The following USP25 variants were observed in gnomAD, a reference collection of about 807,000 sequenced individuals.
USP25 encodes ubiquitin specific peptidase 25.
USP25 carries 85 observed loss-of-function variants against 158.5 expected under a neutral mutation model. The observed-to-expected ratio is 0.54, with a 90% CI of 0.45 to 0.64. The LOEUF (loss-of-function observed/expected upper bound fraction) is 0.64, where lower values mean the gene tolerates loss of function less well. USP25 is among the 30% of genes least tolerant of loss of function. The pLI, the probability that USP25 is intolerant of heterozygous loss-of-function variation, is 0.00. For synonymous variants in USP25, 464 were observed against 460.4 expected, an observed-to-expected ratio of 1.01 and a Z score of -0.10; for missense variants, 1,242 against 1,327.3, an observed-to-expected ratio of 0.94 and a Z score of 1.00.
At position 15,730,247 on chromosome 21, in the gene USP25, C is replaced by A; in HGVS notation, c.-147C>A. ...GGTGCCCGCGCACGCCGGCCGCCAT[C>A]GCCTTCGCGCCTGGCTGGCGGGGGC... On this transcript the variant is annotated 5_prime_UTR_variant, in exon 1 of 26. Transcript: ENST00000400183. 1.1e-6 allele frequency: 1 copy of A among 880,214 alleles called. No individual in the cohort carries two copies. The highest frequency in any genetic ancestry group is 1.4e-6 in the Non-Finnish European group (1 of 734,684). The allele number at this position is 880,214 out of a possible 1,614,324, so 54.5% of individuals were successfully genotyped here. A position where few individuals can be genotyped will look rare whatever the true frequency, so the allele number is the denominator to read the frequency against.
intron 1 of USP25, among the ~76,000 whole-genome samples, chr21:15,746,440 T>C (rs1265584304): frequency 2.0e-5 from 3 of 152,182 alleles, no homozygotes; most frequent in African/African-American, 4.8e-5. Context: ...TTTTTATTTT[T>C]ATTTTTTTTG....
intron 6 of USP25, among the ~76,000 whole-genome samples, chr21:15,804,898 T>G (rs2036303633): frequency 6.6e-6 from 1 of 152,134 alleles, no homozygotes; most frequent in Non-Finnish European, 1.5e-5. Flanking sequence ...ATGCTGAAAT[T>G]GTGAGCCTAT....
chr21:15,841,340 C>T (rs1321006928), intron 17 of USP25, among the ~76,000 whole-genome samples: 1 of 152,144 alleles, frequency 6.6e-6, no homozygotes, highest in African/African-American at 2.4e-5. Context: ...CTTCACCGAT[C>T]TCTAGTTTTA....
chr21:15,844,223 G>A (rs1479566148), intron 18 of USP25, among the ~76,000 whole-genome samples: 5 of 152,118 alleles, frequency 3.3e-5, no homozygotes, highest in Non-Finnish European at 7.4e-5. Flanking sequence ...TAGCGTCATG[G>A]TAACTACTTC....
chr21:15,752,802 CT>C (rs2033118180), intron 1 of USP25, among the ~76,000 whole-genome samples: 1 of 152,012 alleles, frequency 6.6e-6, no homozygotes, highest in African/African-American at 2.4e-5. Context: ...AAGGGTATAC[CT>C]TCAGATTTAT....
chr21:15,791,369 A>C, intron 4 of USP25, 133 bp from the exon 5 acceptor site: 1 of 966,468 alleles, frequency 1.0e-6, no homozygotes, highest in South Asian at 3.2e-5. Flanking sequence ...TATTTGAGTA[A>C]AGTTAGTATT....
At chr21:15,866,451 G>A (rs2039664912) in intron 22 of USP25, 107 bp downstream of exon 22, 2 of 733,266 alleles carry the variant, frequency 2.7e-6, no homozygotes, top group Admixed American at 3.3e-5. Context: ...TGAATGATGA[G>A]TAAAAAAATT....
chr21:15,823,973 C>G, intron 10 of USP25, 66 bp from the exon 11 acceptor site: 1 of 1,500,188 alleles, frequency 6.7e-7, no homozygotes, highest in Non-Finnish European at 9.1e-7. Flanking sequence ...CATCCTGTGC[C>G]TAAGATTGCA....
At chr21:15,793,092 G>C (rs1341000809) in intron 5 of USP25, among the ~76,000 whole-genome samples, 1 of 151,494 alleles carries the variant, frequency 6.6e-6, no homozygotes, top group Non-Finnish European at 1.5e-5. Context: ...TAGTTTTAAG[G>C]CTCTGAACTG....
At chr21:15,812,522 G>T (rs2036718787) in intron 9 of USP25, among the ~76,000 whole-genome samples, 1 of 151,978 alleles carries the variant, frequency 6.6e-6, no homozygotes, top group Admixed American at 6.6e-5. Context: ...GTGGTGGCAG[G>T]CGCCTGTAGT....
At chr21:15,848,971 A>AG (rs2038758725) in intron 19 of USP25, among the ~76,000 whole-genome samples, 1 of 151,188 alleles carries the variant, frequency 6.6e-6, no homozygotes, top group African/African-American at 2.5e-5. Flanking sequence ...ACAGCTAAAA[A>AG]TAATAAGCTA....
rs2039249067 is a variant in USP25 at position 15,858,152 on chromosome 21, CT to C, written c.2548-6112del. 2.0e-5 allele frequency among the ~76,000 whole-genome samples: 3 copies of C among 152,018 alleles called. No homozygotes were observed. In the South Asian group the frequency reaches 6.2e-4, roughly 32 times the overall value. ...AGAAGAACACTTAGTAATTTTTGTTCTTTTATAAACAGGAAGTTTGGCAAGC... is the reference window on the plus strand; with the variant it reads ...AGAAGAACACTTAGTAATTTTTGTTCTTTATAAACAGGAAGTTTGGCAAGC... On this transcript the variant is annotated intron_variant, in intron 20 of 25. Coordinates refer to ENST00000400183, the MANE Select transcript of USP25 (RefSeq NM_001283041.3).
At chr21:15,865,653 TA>T (rs763613704) in intron 21 of USP25, among the ~76,000 whole-genome samples, 1 of 152,182 alleles carries the variant, frequency 6.6e-6, no homozygotes, top group Non-Finnish European at 1.5e-5. Context: ...CTATGCTGTT[TA>T]ATTTGGAGAA....
chr21:15,804,120 T>A (rs1343972314), intron 6 of USP25, among the ~76,000 whole-genome samples: 2 of 152,028 alleles, frequency 1.3e-5, no homozygotes, highest in South Asian at 2.1e-4. Context: ...TGTTATTTTT[T>A]AAAATTTCCT....
chr21:15,873,032 GT>G (rs1035170177), intron 23 of USP25, among the ~76,000 whole-genome samples: 1 of 151,996 alleles, frequency 6.6e-6, no homozygotes, highest in South Asian at 2.1e-4. Context: ...GCTAGATATA[GT>G]TTTTATTTTG....
At chr21:15,739,011 A>C (rs895600898) in intron 1 of USP25, among the ~76,000 whole-genome samples, 1 of 152,124 alleles carries the variant, frequency 6.6e-6, no homozygotes, top group Non-Finnish European at 1.5e-5. Context: ...AGGGACAGGA[A>C]TTGCTCACCC....
chr21:15,831,251 T>C, intron 15 of USP25, 150 bp from the exon 16 acceptor site: 5 of 672,868 alleles, frequency 7.4e-6, no homozygotes, highest in Non-Finnish European at 7.5e-6. Flanking sequence ...TTAGTTTTTT[T>C]CAAACTTTTA....
intron 22 of USP25, 97 bp downstream of exon 22, chr21:15,866,441 T>C (rs1398352015): frequency 9.7e-6 from 8 of 827,394 alleles, no homozygotes; most frequent in African/African-American, 1.8e-5. Flanking sequence ...GAATTTGTTA[T>C]GAATGATGAG....
intron 1 of USP25, among the ~76,000 whole-genome samples, chr21:15,731,262 C>G (rs2030866058): frequency 6.6e-6 from 1 of 152,138 alleles, no homozygotes; most frequent in Admixed American, 6.5e-5. Context: ...GCACCATGTT[C>G]TGAAGAGTAG....
Sources: gnomAD v4.1 joint callset for allele counts (sites outside exome capture counted in the v4.1 genomes callset) on GRCh38, gnomAD v4.1.1 for gene constraint, MANE v1.5 for transcripts, NCBI Gene and HGNC (gene_info 2026-07-23, HGNC 2026-07-21) for gene names.